TLK2: variants seen among roughly 807,000 people sequenced by gnomAD.
The protein encoded by TLK2 is tousled like kinase 2, also known as serine/threonine-protein kinase tousled-like 2.
TLK2 carries 6 observed loss-of-function variants against 117.3 expected under a neutral mutation model. The observed-to-expected ratio is 0.05, with a 90% CI of 0.03 to 0.10. The LOEUF is 0.10. TLK2 is among the 10% of genes least tolerant of loss of function. The pLI is 1.00. For synonymous variants in TLK2, 257 were observed against 316.7 expected (o/e 0.81, Z 2.00); for missense variants, 299 against 901.2 (o/e 0.33, Z 8.56).
At chr17:62,569,757 A>G (rs574152019) in intron 11 of TLK2, among the ~76,000 whole-genome samples, 1 of 152,090 alleles carries the variant, frequency 6.6e-6, no homozygotes, top group East Asian at 1.9e-4. Flanking sequence ...ACTACTAGTT[A>G]CTTCTTGTAT....
chr17:62,556,906 C>A (rs559613456), intron 9 of TLK2, among the ~76,000 whole-genome samples: 1 of 152,094 alleles, frequency 6.6e-6, no homozygotes. Context: ...TACTGCAGCT[C>A]GTGTGAATTT....
chr17:62,550,765 A>G (rs1406683778), intron 7 of TLK2: 1 of 152,240 alleles, frequency 6.6e-6, no homozygotes, highest in Non-Finnish European at 1.5e-5. Context: ...GTGAACTCAC[A>G]TAGGTACTTA....
intron 6 of TLK2, among the ~76,000 whole-genome samples, chr17:62,529,750 ATT>A (rs1308504899): frequency 1.3e-5 from 2 of 152,060 alleles, no homozygotes; most frequent in African/African-American, 4.8e-5. Flanking sequence ...TAGATATATC[ATT>A]GTTTAATGTG....
At chr17:62,553,574 C>T (rs1294186487) in intron 8 of TLK2, 89 bp from the exon 9 acceptor site, 10 of 901,374 alleles carry the variant, frequency 1.1e-5, no homozygotes, top group Non-Finnish European at 1.8e-5. Context: ...TGCTTTTTCC[C>T]ACCCCCCCGA....
chr17:62,535,537 C>T (rs1180141817), intron 6 of TLK2, among the ~76,000 whole-genome samples: 6 of 151,912 alleles, frequency 3.9e-5, no homozygotes, highest in East Asian at 1.9e-4. Context: ...GAGGCTGAGG[C>T]GGGCAGATCA....
intron 2 of TLK2, among the ~76,000 whole-genome samples, chr17:62,494,890 G>C (rs918330667): frequency 2.0e-5 from 3 of 152,196 alleles, no homozygotes; most frequent in African/African-American, 7.2e-5. Context: ...GATTGGCTGG[G>C]TGTGGTGGCT....
intron 4 of TLK2, 64 bp from the exon 5 acceptor site, chr17:62,523,070 T>C: frequency 6.8e-7 from 1 of 1,475,008 alleles, no homozygotes; most frequent in Admixed American, 2.4e-5. Context: ...GTATAGTACA[T>C]TTTAGTGAAT....
chr17:62,520,696 ATC>A, intron 2 of TLK2, 75 bp from the exon 3 acceptor site: 8 of 1,311,358 alleles, frequency 6.1e-6, no homozygotes, highest in East Asian at 2.8e-5. Context: ...AAAAAAAAAA[ATC>A]ATCAGGCTTC....
In TLK2 at chr17:62,613,283, C is replaced by T. The variant is rs1356084265; in HGVS notation, c.*718C>T. Reference sequence around the variant, plus strand: ...CCGTCTGGTCTCCTGTTTGCAATTGCTTCCCTCATCTCAGTAGGGAAAAAA... The same window carrying T: ...CCGTCTGGTCTCCTGTTTGCAATTGTTTCCCTCATCTCAGTAGGGAAAAAA... On this transcript the variant is annotated 3_prime_UTR_variant, in exon 22 of 22. Transcript: ENST00000346027. 1.3e-5 allele frequency: 2 copies of T among 152,602 alleles called. No individual in the cohort carries two copies. Among genetic ancestry groups the T allele is most frequent in the Admixed American group, 1.3e-4 (2 of 15,276 alleles). The allele number at this position is 152,602 out of a possible 1,614,324, so 9.5% of individuals were successfully genotyped here. A position where few individuals can be genotyped will look rare whatever the true frequency, so the allele number is the denominator to read the frequency against.
rs2070949775 is a variant in TLK2, at chr17:62,471,921, C to CTT, written c.-205+843_-205+844insTT. On this transcript the variant is annotated intron_variant, in intron 1 of 4. Transcript: ENST00000579450. ...TTTTTTTTTTTTTTTTTTTTTTAGA[C>CTT]AGAGTCTTACTCTGTCGCCTAGGCT... Among the ~76,000 whole-genome samples, 14 of 27,930 alleles carry CTT rather than the reference C, an allele frequency of 5.0e-4. 1 individual carries two copies. The highest frequency in any genetic ancestry group is 1.6e-3 in the African/African-American group (14 of 8,718). The allele number at this position is 27,930 out of a possible 152,430, so 18.3% of individuals were successfully genotyped here.
At chr17:62,593,087 CA>C (rs2082197022) in intron 16 of TLK2, among the ~76,000 whole-genome samples, 1 of 152,202 alleles carries the variant, frequency 6.6e-6, no homozygotes, top group Non-Finnish European at 1.5e-5. Context: ...CTGTGTGGCC[CA>C]GTTCCTAACA....
chr17:62,474,451 C>T (rs1445800179), upstream of TLK2, among the ~76,000 whole-genome samples: 2 of 150,724 alleles, frequency 1.3e-5, no homozygotes, highest in South Asian at 2.1e-4. Context: ...GCTCTGTTGC[C>T]TGGGCTGGAG....
chr17:62,572,231 A>G (rs2080365805), intron 11 of TLK2, among the ~76,000 whole-genome samples: 1 of 152,068 alleles, frequency 6.6e-6, no homozygotes, highest in South Asian at 2.1e-4. Context: ...TTGGTTCCAC[A>G]AAAGAGAATG....
At chr17:62,473,985 T>G (rs1039677355), upstream of TLK2, among the ~76,000 whole-genome samples, 1 of 152,194 alleles carries the variant, frequency 6.6e-6, no homozygotes, top group Non-Finnish European at 1.5e-5. Flanking sequence ...AACCTCCACC[T>G]TCTGGGCTCA....
At chr17:62,607,436 G>A (rs370136935) in intron 20 of TLK2, among the ~76,000 whole-genome samples, 41 of 152,040 alleles carry the variant, frequency 2.7e-4, no homozygotes, top group African/African-American at 9.6e-4. Context: ...GGCTGAGGCA[G>A]GAGAATGGCA....
At chr17:62,494,512 C>T (rs1289144245) in intron 2 of TLK2, among the ~76,000 whole-genome samples, 2 of 152,084 alleles carry the variant, frequency 1.3e-5, no homozygotes, top group African/African-American at 4.8e-5. Context: ...CTGCCTTGGC[C>T]TTTCAAAGTG....
At chr17:62,501,454 C>T (rs1229539871) in intron 2 of TLK2, among the ~76,000 whole-genome samples, 8 of 151,872 alleles carry the variant, frequency 5.3e-5, no homozygotes, top group Admixed American at 2.0e-4. Context: ...AAAACAAGGC[C>T]GGGTGAGGTG....
At chr17:62,508,289 A>G (rs2074881729) in intron 2 of TLK2, 1 of 343,044 alleles carries the variant, frequency 2.9e-6, no homozygotes, top group Non-Finnish European at 4.1e-6. Flanking sequence ...AATGACAAGT[A>G]ACAGACTATT....
intron 2 of TLK2, among the ~76,000 whole-genome samples, chr17:62,486,179 C>T (rs868545722): frequency 6.6e-6 from 1 of 151,662 alleles, no homozygotes; most frequent in Non-Finnish European, 1.5e-5. Context: ...TTTTTTGAGA[C>T]GGGGTCTCAC....
Sources: allele counts gnomAD v4.1 joint callset (sites outside exome capture counted in the v4.1 genomes callset), GRCh38; gene constraint gnomAD v4.1.1; transcripts MANE v1.5; gene names NCBI Gene and HGNC (gene_info 2026-07-23, HGNC 2026-07-21).